The following ITGA2B variants were observed in gnomAD, a reference collection of about 807,000 sequenced individuals.
ITGA2B encodes integrin alpha-IIb.
ITGA2B carries 91 observed loss-of-function variants against 142.0 expected under a neutral mutation model. That is an observed-to-expected ratio of 0.64 (90% CI 0.54 to 0.76). The LOEUF (loss-of-function observed/expected upper bound fraction) is 0.76, where lower values mean the gene tolerates loss of function less well. Among genes scored for constraint, ITGA2B ranks in the 30% least tolerant of loss-of-function variants. The pLI is 0.00. For missense variants in ITGA2B, 1,231 were observed against 1,350.8 expected (o/e 0.91, Z 1.39); for synonymous variants, 536 against 567.2 (o/e 0.94, Z 0.78).
At chr17:44,384,726 G>GTGGCTCT in intron 7 of ITGA2B, 141 bp from the exon 8 acceptor site, 1 of 1,266,888 alleles carries the variant, frequency 7.9e-7, no homozygotes. Context: ...GAGGGGCCAA[G>GTGGCTCT]CCCTGCCCCA....
rs1168088365 is a variant in ITGA2B, at chr17:44,384,156, G to A, written c.892-18C>T. On this transcript the variant is annotated intron_variant, in intron 9 of 29. Transcript: ENST00000262407. ...ATTTCCACCTGCACGGACAGCGCAG[G>A]CGAGAGCATCATTCTTGTACCCAAA... 6 of 1,612,474 alleles carry A rather than the reference G, an allele frequency of 3.7e-6. No individual in the cohort carries two copies. Among genetic ancestry groups the A allele is most frequent in the Non-Finnish European group, 5.1e-6 (6 of 1,179,482 alleles).
In ITGA2B at chr17:44,378,728, G is replaced by T; in HGVS notation, c.1879-18C>A. 2 of 1,552,446 alleles carry T rather than the reference G, an allele frequency of 1.3e-6. No homozygotes were observed. The highest frequency in any genetic ancestry group is 1.7e-6 in the Non-Finnish European group (2 of 1,146,984). On this transcript the variant is annotated intron_variant, in intron 18 of 29. Transcript: ENST00000262407. ...ATTCGTGTCTAGAGGGGCACATTGG[G>T]GTGTGCGGGTAAGTTGGGGATGTGT...
intron 21 of ITGA2B, among the ~76,000 whole-genome samples, 183 bp downstream of exon 21, chr17:44,377,515 C>T (rs1000372157): frequency 6.6e-5 from 10 of 152,098 alleles, no homozygotes; most frequent in African/African-American, 2.4e-4. Context: ...TTCTATTTTA[C>T]CTGGAAGCCC....
chr17:44,372,853 T>TCA (rs2048508907), intron 29 of ITGA2B, among the ~76,000 whole-genome samples: 1 of 152,140 alleles, frequency 6.6e-6, no homozygotes, highest in Admixed American at 6.5e-5. Flanking sequence ...ACTCCTGACC[T>TCA]CAGGTGATCT....
At position 44,372,211 on chromosome 17, in the gene ITGA2B, G is replaced by C. The variant is rs1301690715; in HGVS notation, c.*153C>G. On this transcript the variant is annotated 3_prime_UTR_variant, in exon 30 of 30. Transcript: ENST00000262407. The stretch of plus-strand genomic sequence containing the variant: ...GCTCAGTCTCTTTATTAGGCAGCAG[G>C]AGGGGGGGTAGCCCAGCTCTGTTGG... 1.4e-6 allele frequency: 1 copy of C among 723,644 alleles called. No homozygotes were observed. Among genetic ancestry groups the C allele is most frequent in the East Asian group, 2.7e-5 (1 of 37,182 alleles). 44.8% of individuals were successfully genotyped at this position (723,644 alleles called of 1,614,324 possible).
chr17:44,379,622 C>T (rs1385612402), intron 18 of ITGA2B, 67 bp downstream of exon 18: 2 of 1,612,098 alleles, frequency 1.2e-6, no homozygotes, highest in Non-Finnish European at 1.7e-6. Flanking sequence ...TGACTTGGCA[C>T]TAACCCTAAT....
Position 44,378,410 on chromosome 17 carries a change from C to A in ITGA2B, c.2046G>T (p.Val682=). 6.2e-7 allele frequency: 1 copy of A among 1,613,440 alleles called. No individual in the cohort carries two copies. The highest frequency in any genetic ancestry group is 8.5e-7 in the Non-Finnish European group (1 of 1,179,928). The change falls in exon 20 of 30, where the codon GTG becomes GTT. Residue 682 remains valine, a synonymous_variant. Transcript: ENST00000262407. ...GEGAYEAELA[V]HLPQGAHYMR... ...TGTAGTGGGCGCCCTGGGGCAGGTG[C>A]ACGGCCAGCTCTGCTTCATAGGCCC...
chr17:44,372,224 C>T lies in ITGA2B; in HGVS notation c.*140G>A, dbSNP rs2048503114. The T allele has an allele frequency of 3.8e-6, 3 of 799,780 alleles. No individual in the cohort carries two copies. The Admixed American group carries it at 6.1e-5, about 16-fold the overall frequency. The allele number at this position is 799,780 out of a possible 1,614,324, so 49.5% of individuals were successfully genotyped here. ...ATTAGGCAGCAGGAGGGGGGGTAGC[C>T]CAGCTCTGTTGGGAGGGAAACGACA... is the stretch of plus-strand genomic sequence containing the variant. On this transcript the variant is annotated 3_prime_UTR_variant, in exon 30 of 30. Transcript: ENST00000262407.
At chr17:44,379,252 C>CT (rs376241329) in intron 18 of ITGA2B, among the ~76,000 whole-genome samples, 3,372 of 114,604 alleles carry the variant, frequency 0.029, 160 homozygotes, top group African/African-American at 0.099. Context: ...CTGCGCCTGG[C>CT]TTTTTTTTTT....
chr17:44,379,609 T>C, intron 18 of ITGA2B, 80 bp downstream of exon 18: 1 of 1,606,744 alleles, frequency 6.2e-7, no homozygotes, highest in Admixed American at 1.7e-5. Flanking sequence ...GGGGTTCACA[T>C]TGTGACTTGG....
intron 20 of ITGA2B, 98 bp downstream of exon 20, chr17:44,378,264 A>G: frequency 1.4e-6 from 2 of 1,429,702 alleles, no homozygotes; most frequent in Non-Finnish European, 1.9e-6. Context: ...TTGACAGCAA[A>G]GCAGAAGAGA....
Position 44,380,122 on chromosome 17 carries a change from C to T in ITGA2B, c.1632G>A (p.Gln544=), listed in dbSNP as rs752677499. Residue 544 remains glutamine, a synonymous_variant, in exon 17 of 30, where the codon CAG becomes CAA. Transcript: ENST00000262407. ...GCACCCGCCGGCCCTGGCGGGGCTTCTGCCGGTCCAGCTGCAGCTCGGCAT... is the reference window on the plus strand; with the variant it reads ...GCACCCGCCGGCCCTGGCGGGGCTTTTGCCGGTCCAGCTGCAGCTCGGCAT... ...SLNAELQLDR[Q]KPRQGRRVLL... is the part of the protein sequence containing the mutation. 3.7e-6 allele frequency: 6 copies of T among 1,613,920 alleles called. No individual in the cohort carries two copies. In the African/African-American group the frequency reaches 4.0e-5, roughly 11 times the overall value.
At chr17:44,378,590 A>C in intron 19 of ITGA2B, 53 bp downstream of exon 19, 1 of 1,591,548 alleles carries the variant, frequency 6.3e-7, no homozygotes, top group Non-Finnish European at 8.6e-7. Context: ...GGTGTGGAGC[A>C]GGTATGATAG....
In ITGA2B at chr17:44,389,494, C is replaced by A; in HGVS notation, c.-21G>T. ...GCCATCTTCCTTCTTCCACAACCTC[C>A]CAGGCAGGAATGGGCCAGCTCCTCC... On this transcript the variant is annotated 5_prime_UTR_variant, in exon 1 of 30. An upstream open reading frame in the 5' UTR gains an earlier in-frame stop. Transcript: ENST00000262407. The A allele has an allele frequency of 6.2e-7, 1 of 1,612,238 alleles. No individual in the cohort carries two copies. The highest frequency in any genetic ancestry group is 1.1e-5 in the South Asian group (1 of 90,982).
intron 1 of ITGA2B, among the ~76,000 whole-genome samples, chr17:44,388,768 C>T (rs1192078486): frequency 6.6e-6 from 1 of 151,616 alleles, no homozygotes; most frequent in African/African-American, 2.4e-5. Flanking sequence ...CTGCCCACCT[C>T]TGCCTCCCAA....
chr17:44,379,491 C>A (rs2048574822), intron 18 of ITGA2B, among the ~76,000 whole-genome samples, 198 bp downstream of exon 18: 1 of 151,500 alleles, frequency 6.6e-6, no homozygotes, highest in South Asian at 2.1e-4. Context: ...TGACCTCAGG[C>A]AATCTGCCTG....
At chr17:44,379,611 G>A in intron 18 of ITGA2B, 78 bp downstream of exon 18, 1 of 1,607,058 alleles carries the variant, frequency 6.2e-7, no homozygotes, top group Non-Finnish European at 8.5e-7. Flanking sequence ...GGTTCACATT[G>A]TGACTTGGCA....
At chr17:44,388,813 G>A (rs1176210235) in intron 1 of ITGA2B, among the ~76,000 whole-genome samples, 1 of 114,196 alleles carries the variant, frequency 8.8e-6, no homozygotes, top group African/African-American at 3.3e-5. Context: ...CACTGTGCCT[G>A]GTCTCTTTTT....
chr17:44,380,693 T>A, intron 13 of ITGA2B, 48 bp from the exon 14 acceptor site: 1 of 1,612,412 alleles, frequency 6.2e-7, no homozygotes, highest in Non-Finnish European at 8.5e-7. Flanking sequence ...GGGCATGGGA[T>A]CCTCATCTCA....
Sources: allele counts gnomAD v4.1 joint callset (sites outside exome capture counted in the v4.1 genomes callset), GRCh38; gene constraint gnomAD v4.1.1; transcripts MANE v1.5; gene names NCBI Gene and HGNC (gene_info 2026-07-23, HGNC 2026-07-21).